The following SGO2 variants were observed in gnomAD, a reference collection of about 807,000 sequenced individuals.
SGO2 encodes the protein shugoshin-like 2.
In SGO2, 68 loss-of-function variants were observed where a neutral mutation model predicts 99.5. The ratio of observed to expected loss-of-function variants is 0.68; its 90% CI spans 0.56 to 0.84. The LOEUF is 0.84. Among genes scored for constraint, SGO2 ranks in the 40% least tolerant of loss-of-function variants. SGO2 has a pLI of 0.00. For missense variants in SGO2, 1,350 were observed against 1,436.7 expected (o/e 0.94, Z 0.97); for synonymous variants, 457 against 487.1 (o/e 0.94, Z 0.81).
chr2:200,571,463 A>G lies in SGO2; in HGVS notation c.1117A>G (p.Ser373Gly), dbSNP rs1198183428. The change falls in exon 7 of 9, where the codon AGC (serine) becomes GGC (glycine). Residue 373 changes from serine to glycine, a missense_variant. By Grantham distance (56) the Ser-to-Gly change is moderately conservative. Transcript: ENST00000357799. ...ADMDLTASEV[S>G]KIVTVSTGIK... is the part of the protein sequence containing the mutation. ...CATGGATTTAACTGCTAGTGAAGTC[A>G]GCAAAATTGTCACAGTCTCAACAGG... 2 of 1,610,510 alleles carry G rather than the reference A, an allele frequency of 1.2e-6. No individual in the cohort carries two copies. The highest frequency in any genetic ancestry group is 1.7e-6 in the Non-Finnish European group (2 of 1,179,024).
At chr2:200,579,144 G>T (rs966770482) in intron 8 of SGO2, among the ~76,000 whole-genome samples, 1 of 152,140 alleles carries the variant, frequency 6.6e-6, no homozygotes, top group Non-Finnish European at 1.5e-5. Flanking sequence ...AGTTTTCTTT[G>T]TTGCTATTAT....
rs773448008 is a variant in SGO2 at position 200,573,846 on chromosome 2, G to T, written c.3500G>T (p.Gly1167Val). ...TTAGTACCTTTGAGCGTTTCTTCTG[G>T]TAAAAATGTGATAATAAAAGAAAAT... Reference protein sequence around the residue: ...EGLVPLSVSSGKNVIIKENFA... With the variant: ...EGLVPLSVSSVKNVIIKENFA... Residue 1167 changes from glycine (G) to valine (V), a missense_variant, in exon 7 of 9, where the codon GGT becomes GTT. Coordinates refer to ENST00000357799, the MANE Select transcript of SGO2 (RefSeq NM_152524.6). The T allele has an allele frequency of 1.7e-5, 27 of 1,613,110 alleles. No individual in the cohort carries two copies. Among genetic ancestry groups the T allele is most frequent in the Non-Finnish European group, 2.0e-5 (24 of 1,179,428 alleles).
At position 200,571,292 on chromosome 2, in the gene SGO2, A is replaced by G. The variant is rs142528020; in HGVS notation, c.946A>G (p.Asn316Asp). 847 of 1,613,136 alleles carry G rather than the reference A, an allele frequency of 5.3e-4. 3 individuals are homozygous for G. In the African/African-American group the frequency reaches 9.9e-3, roughly 19 times the overall value. The part of the protein sequence containing the change: ...NCNNEINGHT[N>D]ETNTEMQRNK... ...CAATAATGAGATAAATGGTCATACTAATGAAACAAATACTGAAATGCAAAG... is the reference window on the plus strand; with the variant it reads ...CAATAATGAGATAAATGGTCATACTGATGAAACAAATACTGAAATGCAAAG... Residue 316 changes from asparagine to aspartate, a missense_variant, in exon 7 of 9, where the codon AAT becomes GAT. Physicochemically the swap from Asn to Asp is conservative, Grantham distance 23. Transcript: ENST00000357799.
intron 5 of SGO2, among the ~76,000 whole-genome samples, chr2:200,543,888 A>G (rs2032082574): frequency 6.6e-6 from 1 of 152,238 alleles, no homozygotes; most frequent in African/African-American, 2.4e-5. Context: ...TATATTATAC[A>G]TATTCAAACA....
chr2:200,540,892 T>C (rs2031932350), intron 4 of SGO2, among the ~76,000 whole-genome samples: 1 of 152,218 alleles, frequency 6.6e-6, no homozygotes, highest in Non-Finnish European at 1.5e-5. Flanking sequence ...TCTTTTCTTT[T>C]TTCATTTGAG....
At chr2:200,534,235 T>C (rs1382278005) in intron 2 of SGO2, among the ~76,000 whole-genome samples, 1 of 152,250 alleles carries the variant, frequency 6.6e-6, no homozygotes, top group East Asian at 1.9e-4. Flanking sequence ...AATATAATGA[T>C]ATTTTAAATG....
rs1363043476 is a variant in SGO2 at position 200,536,091 on chromosome 2, T to G, written c.336T>G (p.Ala112=). The G allele has an allele frequency of 1.9e-6, 3 of 1,591,660 alleles. No homozygotes were observed. The highest frequency in any genetic ancestry group is 2.6e-6 in the Non-Finnish European group (3 of 1,165,484). ...NLNKKLIDIE[A]LMNNNLITAI... is the part of the protein sequence containing the mutation. Reference sequence around the variant, plus strand: ...ATAAGAAGCTTATAGACATAGAAGCTCTCATGAACAATAACTTGATAACTG... The same window carrying G: ...ATAAGAAGCTTATAGACATAGAAGCGCTCATGAACAATAACTTGATAACTG... Residue 112 remains alanine (A), a synonymous_variant, in exon 4 of 9, where the codon GCT becomes GCG. Transcript: ENST00000357799.
In SGO2 at chr2:200,571,845, A is replaced by G. The variant is rs1311908323; in HGVS notation, c.1499A>G (p.Gln500Arg). The G allele has an allele frequency of 3.1e-6, 5 of 1,613,562 alleles. No individual in the cohort carries two copies. Among genetic ancestry groups the G allele is most frequent in the Admixed American group, 1.7e-5 (1 of 59,964 alleles). ...AAGGAGAAAAGAATAACAAATGAGC[A>G]AGAGGAAACATACTCTTTATCCCAA... ...NKKEKRITNE[Q>R]EETYSLSQSS... is the part of the protein sequence containing the mutation. Residue 500 changes from glutamine (Q) to arginine (R), a missense_variant, in exon 7 of 9, where the codon CAA becomes CGA. Physicochemically the swap from Gln to Arg is conservative, Grantham distance 43 (BLOSUM62 1). Coordinates refer to ENST00000357799, the MANE Select transcript of SGO2 (RefSeq NM_152524.6).
chr2:200,572,989 G>A lies in SGO2; in HGVS notation c.2643G>A (p.Gln881=). 1 of 1,584,138 alleles carries A rather than the reference G, an allele frequency of 6.3e-7. No individual in the cohort carries two copies. The highest frequency in any genetic ancestry group is 2.2e-5 in the East Asian group (1 of 44,550). The change falls in exon 7 of 9, where the codon CAG becomes CAA. Residue 881 remains glutamine, a synonymous_variant. Coordinates refer to ENST00000357799, the MANE Select transcript of SGO2 (RefSeq NM_152524.6). The part of the protein sequence containing the change: ...DNGNLCDYDT[Q]NILELKKYVT... ...GAAATTTATGTGATTATGACACCCA[G>A]AATATATTGGAGTTGAAAAAGTATG...
In SGO2 at chr2:200,542,682, T is replaced by C; in HGVS notation, c.473+18T>C. On this transcript the variant is annotated intron_variant, in intron 5 of 8. Transcript: ENST00000357799. ...TTTGCAAGGTAAATATGGGCTTGAA[T>C]TACACTAGTTCAGAGTATATAGATT... The C allele has an allele frequency of 6.3e-7, 1 of 1,588,806 alleles. No individual in the cohort carries two copies. Among genetic ancestry groups the C allele is most frequent in the Non-Finnish European group, 8.6e-7 (1 of 1,158,294 alleles).
At chr2:200,536,192 T>A (rs2031685190) in intron 4 of SGO2, 50 bp downstream of exon 4, 1 of 1,128,914 alleles carries the variant, frequency 8.9e-7, no homozygotes, top group Admixed American at 2.0e-5. Flanking sequence ...TTACTGAGGA[T>A]CACTGAGATT....
At chr2:200,579,570 T>C (rs1254352887) in intron 8 of SGO2, among the ~76,000 whole-genome samples, 1 of 152,212 alleles carries the variant, frequency 6.6e-6, no homozygotes, top group Non-Finnish European at 1.5e-5. Flanking sequence ...TTATCATGAA[T>C]GATTGTTGAA....
chr2:200,571,326 A>T lies in SGO2; in HGVS notation c.980A>T (p.Gln327Leu). 1 of 1,612,952 alleles carries T rather than the reference A, an allele frequency of 6.2e-7. No homozygotes were observed. Among genetic ancestry groups the T allele is most frequent in the Non-Finnish European group, 8.5e-7 (1 of 1,179,130 alleles). Residue 327 changes from glutamine to leucine, a missense_variant, in exon 7 of 9, where the codon CAG (glutamine) becomes CTG (leucine). Transcript: ENST00000357799. ...AATACTGAAATGCAAAGAAATAAAC[A>T]GGATCTTCCTGGCTTATCTTCTGAG... is the stretch of plus-strand genomic sequence containing the variant. ...ETNTEMQRNK[Q>L]DLPGLSSESA...
intron 5 of SGO2, among the ~76,000 whole-genome samples, chr2:200,567,453 T>C (rs2033232489): frequency 6.6e-6 from 1 of 152,220 alleles, no homozygotes; most frequent in Non-Finnish European, 1.5e-5. Context: ...AGATATATAA[T>C]TCACTTAACA....
At position 200,571,046 on chromosome 2, in the gene SGO2, A is replaced by G; in HGVS notation, c.704-4A>G. The G allele has an allele frequency of 1.3e-6, 2 of 1,541,120 alleles. No homozygotes were observed. Among genetic ancestry groups the G allele is most frequent in the South Asian group, 1.3e-5 (1 of 79,888 alleles). On this transcript the variant is annotated splice_polypyrimidine_tract_variant and splice_region_variant and intron_variant, in intron 6 of 8. Transcript: ENST00000357799. ...TCTGAGTTTTGTTTTCCTTTTCTTA[A>G]TAGAAAGCCATTCCCACTCAGACCA... is the stretch of plus-strand genomic sequence containing the variant.
chr2:200,580,242 A>G (rs1420365466), intron 8 of SGO2, among the ~76,000 whole-genome samples: 3 of 152,148 alleles, frequency 2.0e-5, no homozygotes, highest in Admixed American at 1.3e-4. Flanking sequence ...TATGAATTAG[A>G]CATGTAAATT....
rs2033395576 is a variant in SGO2, at chr2:200,571,089, T to C, written c.743T>C (p.Leu248Pro). 6.2e-7 allele frequency: 1 copy of C among 1,609,490 alleles called. No individual in the cohort carries two copies. The highest frequency in any genetic ancestry group is 1.3e-5 in the African/African-American group (1 of 74,752). The change falls in exon 7 of 9, where the codon CTA becomes CCA. Residue 248 changes from leucine to proline, a missense_variant. Coordinates refer to ENST00000357799, the MANE Select transcript of SGO2 (RefSeq NM_152524.6). The stretch of plus-strand genomic sequence containing the variant: ...TCAGACCAAAGTTCTAAGACTTCTC[T>C]AATGAGTGAGATGAGAAACGCCCAG... ...SHSDQSSKTS[L>P]MSEMRNAQSI...
chr2:200,576,779 A>G (rs1042945575), intron 8 of SGO2, among the ~76,000 whole-genome samples: 2 of 152,200 alleles, frequency 1.3e-5, no homozygotes, highest in Admixed American at 6.5e-5. Flanking sequence ...GACATTTCAT[A>G]TGAATGGAAT....
Position 200,569,896 on chromosome 2 carries a change from A to C in SGO2, c.703+4A>C, listed in dbSNP as rs375249475. 3.9e-6 allele frequency: 6 copies of C among 1,534,832 alleles called. No homozygotes were observed. Among genetic ancestry groups the C allele is most frequent in the Non-Finnish European group, 5.4e-6 (6 of 1,114,546 alleles). Reference sequence around the variant, plus strand: ...ATAGTTGATGTACCTCCCAGAGGTGAGATTGTTTTAAAAATTCATTTTGAG... The same window carrying C: ...ATAGTTGATGTACCTCCCAGAGGTGCGATTGTTTTAAAAATTCATTTTGAG... On this transcript the variant is annotated splice_donor_region_variant and intron_variant, in intron 6 of 8. Transcript: ENST00000357799.
Sources: gnomAD v4.1 joint callset for allele counts (sites outside exome capture counted in the v4.1 genomes callset) on GRCh38, gnomAD v4.1.1 for gene constraint, MANE v1.5 for transcripts, NCBI Gene and HGNC (gene_info 2026-07-23, HGNC 2026-07-21) for gene names.